Variants in TMPRSS15 observed in about 807,000 individuals in gnomAD.
The protein encoded by TMPRSS15 is transmembrane serine protease 15, also known as enteropeptidase.
TMPRSS15 carries 128 observed loss-of-function variants against 125.3 expected under a neutral mutation model. The ratio of observed to expected loss-of-function variants is 1.02; its 90% CI spans 0.89 to 1.18. The LOEUF (loss-of-function observed/expected upper bound fraction) is 1.18, where lower values mean the gene tolerates loss of function less well. Ranked by LOEUF, TMPRSS15 falls within the 50% of genes most tolerant of loss-of-function variation. TMPRSS15 has a pLI of 0.00. For synonymous variants in TMPRSS15, 446 were observed against 423.2 expected (o/e 1.05, Z -0.66); for missense variants, 1,283 against 1,212.7 (o/e 1.06, Z -0.86).
chr21:18,348,832 T>C (rs1201921282), intron 10 of TMPRSS15, among the ~76,000 whole-genome samples: 1 of 152,206 alleles, frequency 6.6e-6, no homozygotes, highest in Non-Finnish European at 1.5e-5. Flanking sequence ...GAAAAGAAAG[T>C]AGTTATAATA....
At chr21:18,395,584 T>C (rs570410764) in intron 3 of TMPRSS15, among the ~76,000 whole-genome samples, 3 of 152,340 alleles carry the variant, frequency 2.0e-5, no homozygotes, top group African/African-American at 7.2e-5. Context: ...AGTCCATATA[T>C]ACTTGCCATT....
At chr21:18,367,371 G>C (rs888191555) in intron 6 of TMPRSS15, among the ~76,000 whole-genome samples, 1 of 152,130 alleles carries the variant, frequency 6.6e-6, no homozygotes, top group African/African-American at 2.4e-5. Context: ...ACTTTTTAAT[G>C]ACTTGCTAAA....
chr21:18,369,126 T>A (rs1331228344), intron 6 of TMPRSS15, among the ~76,000 whole-genome samples: 1 of 152,144 alleles, frequency 6.6e-6, no homozygotes, highest in African/African-American at 2.4e-5. Flanking sequence ...AATGAGCCTG[T>A]CAAATTATAG....
chr21:18,383,883 G>T, intron 3 of TMPRSS15, 105 bp from the exon 4 acceptor site: 1 of 1,347,860 alleles, frequency 7.4e-7, no homozygotes. Context: ...TTATCATCTT[G>T]CTAATTCTCA....
chr21:18,410,847 A>G (rs2076164312), intron 1 of TMPRSS15, among the ~76,000 whole-genome samples: 1 of 152,120 alleles, frequency 6.6e-6, no homozygotes, highest in Non-Finnish European at 1.5e-5. Flanking sequence ...GACTATGCCA[A>G]TTTTATTCAA....
chr21:18,440,386 A>G (rs79930920), intron 1 of TMPRSS15, among the ~76,000 whole-genome samples: 4 of 133,598 alleles, frequency 3.0e-5, no homozygotes, highest in Non-Finnish European at 6.4e-5. Flanking sequence ...AAAAAAAAAA[A>G]AAAGAAAACT....
intron 7 of TMPRSS15, among the ~76,000 whole-genome samples, chr21:18,363,962 C>T (rs2075702081): frequency 6.6e-6 from 1 of 151,840 alleles, no homozygotes; most frequent in Non-Finnish European, 1.5e-5. Context: ...CACTCCAAAT[C>T]GAAATAAAAA....
chr21:18,377,740 C>T (rs2075857691), intron 5 of TMPRSS15, among the ~76,000 whole-genome samples: 1 of 152,006 alleles, frequency 6.6e-6, no homozygotes, highest in Non-Finnish European at 1.5e-5. Flanking sequence ...GTGTACACTG[C>T]CCCCCATTTC....
intron 3 of TMPRSS15, among the ~76,000 whole-genome samples, chr21:18,392,873 G>T (rs1302186988): frequency 6.6e-6 from 1 of 152,076 alleles, no homozygotes; most frequent in African/African-American, 2.4e-5. Context: ...AAAACCATCA[G>T]ATCTCATGAG....
chr21:18,355,417 C>G (rs575306141), intron 8 of TMPRSS15, among the ~76,000 whole-genome samples: 3 of 151,844 alleles, frequency 2.0e-5, no homozygotes, highest in Admixed American at 6.6e-5. Context: ...TTCCATTAAC[C>G]TGCTTCAGAG....
intron 18 of TMPRSS15, among the ~76,000 whole-genome samples, chr21:18,304,252 T>C (rs1403758817): frequency 6.6e-6 from 1 of 152,164 alleles, no homozygotes; most frequent in South Asian, 2.1e-4. Flanking sequence ...TAGAAAAAAG[T>C]TGTTTGATAT....
intron 7 of TMPRSS15, among the ~76,000 whole-genome samples, chr21:18,361,346 C>T (rs939921916): frequency 5.3e-5 from 8 of 151,920 alleles, no homozygotes; most frequent in South Asian, 4.2e-4. Context: ...AAAGTGTGTA[C>T]GGGAGAAAAC....
intron 1 of TMPRSS15, among the ~76,000 whole-genome samples, chr21:18,479,680 A>G (rs1229024536): frequency 6.6e-6 from 1 of 152,126 alleles, no homozygotes; most frequent in Non-Finnish European, 1.5e-5. Flanking sequence ...AATCAAAACC[A>G]CAATGAGATA....
At chr21:18,409,405 T>C (rs1158141730) in intron 1 of TMPRSS15, among the ~76,000 whole-genome samples, 1 of 152,114 alleles carries the variant, frequency 6.6e-6, no homozygotes, top group Admixed American at 6.6e-5. Flanking sequence ...AAATCTTTTT[T>C]TGTGTTTTTG....
At chr21:18,476,066 G>A (rs1175921536) in intron 1 of TMPRSS15, among the ~76,000 whole-genome samples, 2 of 152,130 alleles carry the variant, frequency 1.3e-5, no homozygotes, top group African/African-American at 4.8e-5. Context: ...AGCCAAAGAA[G>A]TGTTTGACAT....
chr21:18,481,332 G>T (rs1469492656), intron 1 of TMPRSS15, among the ~76,000 whole-genome samples: 1 of 151,716 alleles, frequency 6.6e-6, no homozygotes, highest in Non-Finnish European at 1.5e-5. Flanking sequence ...AATAACGTAT[G>T]CAAAGACTCC....
intron 3 of TMPRSS15, among the ~76,000 whole-genome samples, chr21:18,387,443 G>A (rs2075953607): frequency 6.6e-6 from 1 of 152,082 alleles, no homozygotes; most frequent in Non-Finnish European, 1.5e-5. Context: ...TGCTCAAAGG[G>A]CAAAAGAAAC....
At position 18,279,045 on chromosome 21, in the gene TMPRSS15, T is replaced by G. The variant is rs958707721; in HGVS notation, c.2683A>C (p.Ile895Leu). 1 of 1,571,348 alleles carries G rather than the reference T, an allele frequency of 6.4e-7. No individual in the cohort carries two copies. The highest frequency in any genetic ancestry group is 2.3e-5 in the East Asian group (1 of 43,948). Residue 895 changes from isoleucine (I) to leucine (L), a missense_variant, in exon 23 of 25, where the codon ATT becomes CTT. Coordinates refer to ENST00000284885, the MANE Select transcript of TMPRSS15 (RefSeq NM_002772.3). ...ACTTGATTTTCTTCCGGTAAACAAA[T>G]AGGTTGTATGTAATCTGGAAAAACA... ...KVNYTDYIQP[I>L]CLPEENQVFP...
intron 1 of TMPRSS15, among the ~76,000 whole-genome samples, chr21:18,453,375 A>G (rs1978378990): frequency 6.6e-6 from 1 of 152,244 alleles, no homozygotes; most frequent in African/African-American, 2.4e-5. Context: ...GAGAAACAGA[A>G]CCAATAGAAT....
Sources: gnomAD v4.1 joint callset for allele counts (sites outside exome capture counted in the v4.1 genomes callset) on GRCh38, gnomAD v4.1.1 for gene constraint, MANE v1.5 for transcripts, NCBI Gene and HGNC (gene_info 2026-07-23, HGNC 2026-07-21) for gene names.